The following TCF12 variants were observed in gnomAD, a reference collection of about 807,000 sequenced individuals.
TCF12 encodes the protein DNA-binding protein HTF4.
Under a neutral mutation model 86.0 loss-of-function variants are expected in TCF12, and 45 were observed. That is an observed-to-expected ratio of 0.52 (90% confidence interval 0.41 to 0.67). The LOEUF is 0.67. Among genes scored for constraint, TCF12 ranks in the 30% least tolerant of loss-of-function variants. The pLI is 0.00. For missense variants in TCF12, 881 were observed against 859.9 expected (o/e 1.02, Z -0.31); for synonymous variants, 330 against 299.6 (o/e 1.10, Z -1.05).
At chr15:57,024,286 G>A (rs988374201) in intron 3 of TCF12, among the ~76,000 whole-genome samples, 1 of 145,988 alleles carries the variant, frequency 6.8e-6, no homozygotes, top group Admixed American at 7.1e-5. Context: ...GAGGTAGTGC[G>A]ATCTCGGCTC....
chr15:57,205,570 A>G (rs750085380), intron 8 of TCF12, among the ~76,000 whole-genome samples: 3 of 152,238 alleles, frequency 2.0e-5, no homozygotes, highest in Non-Finnish European at 4.4e-5. Flanking sequence ...CTGTGATACA[A>G]AATTTCCAAA....
chr15:56,954,668 CCTAT>C (rs2061424364), intron 3 of TCF12, among the ~76,000 whole-genome samples: 1 of 152,136 alleles, frequency 6.6e-6, no homozygotes, highest in South Asian at 2.1e-4. Context: ...TTGCAATCTA[CCTAT>C]CTGACAAAGG....
At chr15:57,241,916 T>C (rs2059648735) in intron 12 of TCF12, among the ~76,000 whole-genome samples, 1 of 121,308 alleles carries the variant, frequency 8.2e-6, no homozygotes, top group African/African-American at 2.5e-5. Context: ...CACTTGAACC[T>C]TGTAGGTGGA....
chr15:57,061,373 G>A (rs1342948399), intron 3 of TCF12, among the ~76,000 whole-genome samples: 3 of 152,042 alleles, frequency 2.0e-5, no homozygotes, highest in Admixed American at 6.5e-5. Context: ...AGGGAGAATC[G>A]CTGGAGGCCA....
intron 3 of TCF12, among the ~76,000 whole-genome samples, chr15:57,053,688 C>T (rs1312801533): frequency 6.6e-6 from 1 of 151,388 alleles, no homozygotes; most frequent in Non-Finnish European, 1.5e-5. Context: ...ACGCCTGTAG[C>T]TGCTTTGTTG....
At chr15:57,017,092 T>A (rs555914346) in intron 3 of TCF12, among the ~76,000 whole-genome samples, 1 of 152,294 alleles carries the variant, frequency 6.6e-6, no homozygotes, top group African/African-American at 2.4e-5. Flanking sequence ...GTCTTCTACC[T>A]TCATCCTTGA....
chr15:57,015,891 T>C (rs2065125098), intron 3 of TCF12, among the ~76,000 whole-genome samples: 1 of 152,204 alleles, frequency 6.6e-6, no homozygotes, highest in African/African-American at 2.4e-5. Flanking sequence ...CCTTAGTTCT[T>C]ATATAGAAGC....
At chr15:56,976,883 C>T in intron 3 of TCF12, among the ~76,000 whole-genome samples, 1 of 152,064 alleles carries the variant, frequency 6.6e-6, no homozygotes, top group East Asian at 1.9e-4. Flanking sequence ...GTTTCTTCCT[C>T]CCTCCACAAA....
intron 3 of TCF12, among the ~76,000 whole-genome samples, chr15:57,028,049 TG>T (rs2065924550): frequency 6.6e-6 from 1 of 152,076 alleles, no homozygotes; most frequent in Non-Finnish European, 1.5e-5. Flanking sequence ...CTGCAACCTC[TG>T]TCTCCTGGGT....
intron 3 of TCF12, among the ~76,000 whole-genome samples, chr15:56,931,491 G>A (rs1484100999): frequency 6.6e-6 from 1 of 151,970 alleles, no homozygotes; most frequent in African/African-American, 2.4e-5. Flanking sequence ...ATACTTTTTT[G>A]AATTTTTACT....
chr15:57,104,569 G>A (rs1227308333), intron 5 of TCF12, among the ~76,000 whole-genome samples: 1 of 150,602 alleles, frequency 6.6e-6, no homozygotes, highest in Admixed American at 6.6e-5. Context: ...AGCCTCCGGA[G>A]TAGCTGGGAC....
chr15:57,101,472 A>G (rs1596530443), intron 5 of TCF12, among the ~76,000 whole-genome samples: 1 of 152,298 alleles, frequency 6.6e-6, no homozygotes, highest in Non-Finnish European at 1.5e-5. Flanking sequence ...GGCCTCTCAA[A>G]GTGCTACGAT....
At chr15:57,230,879 G>A (rs1322285512) in intron 8 of TCF12, among the ~76,000 whole-genome samples, 1 of 151,618 alleles carries the variant, frequency 6.6e-6, no homozygotes, top group Admixed American at 6.6e-5. Context: ...TGCTTATTCA[G>A]TCACTTGGTG....
At chr15:56,959,314 G>T (rs1458118014) in intron 3 of TCF12, among the ~76,000 whole-genome samples, 1 of 152,158 alleles carries the variant, frequency 6.6e-6, no homozygotes, top group Admixed American at 6.5e-5. Flanking sequence ...TCCATGGAGA[G>T]GCTACAGCTT....
chr15:57,202,083 A>G (rs1430375152), intron 8 of TCF12, among the ~76,000 whole-genome samples: 1 of 152,162 alleles, frequency 6.6e-6, no homozygotes, highest in Non-Finnish European at 1.5e-5. Flanking sequence ...CTAATCTTCA[A>G]CCTTTTGCCA....
At chr15:56,940,417 C>T (rs1326671796) in intron 3 of TCF12, among the ~76,000 whole-genome samples, 1 of 152,086 alleles carries the variant, frequency 6.6e-6, no homozygotes, top group South Asian at 2.1e-4. Context: ...GACTGCACAT[C>T]TAGACATGAT....
intron 3 of TCF12, among the ~76,000 whole-genome samples, chr15:57,035,371 CT>C: frequency 6.6e-6 from 1 of 152,196 alleles, no homozygotes; most frequent in East Asian, 1.9e-4. Context: ...TCAAGCAATT[CT>C]TTTGCATCAG....
chr15:57,038,226 GT>G, intron 3 of TCF12, among the ~76,000 whole-genome samples: 1 of 152,010 alleles, frequency 6.6e-6, no homozygotes, highest in East Asian at 1.9e-4. Flanking sequence ...GAGGCCAGGA[GT>G]TTGAGACCAA....
At chr15:57,085,114 A>G (rs2048540408) in intron 4 of TCF12, among the ~76,000 whole-genome samples, 1 of 152,202 alleles carries the variant, frequency 6.6e-6, no homozygotes, top group Non-Finnish European at 1.5e-5. Flanking sequence ...GAGTAATTCT[A>G]TAAAACTACT....
Sources: allele counts gnomAD v4.1 joint callset (sites outside exome capture counted in the v4.1 genomes callset), GRCh38; gene constraint gnomAD v4.1.1; transcripts MANE v1.5; gene names NCBI Gene and HGNC (gene_info 2026-07-23, HGNC 2026-07-21).